The following SMCO2 variants were observed in gnomAD, a reference collection of about 807,000 sequenced individuals.
The protein encoded by SMCO2 is single-pass membrane protein with coiled-coil domains 2, also known as single-pass membrane and coiled-coil domain-containing protein 2.
In SMCO2, 25 loss-of-function variants were observed where a neutral mutation model predicts 29.5. That is an observed-to-expected ratio of 0.85 (90% CI 0.62 to 1.18). The LOEUF is 1.18. Among genes scored for constraint, SMCO2 ranks in the 50% most tolerant of loss-of-function variants. The probability of loss-of-function intolerance (pLI) is 0.00; values close to 1 mark genes in which losing one functional copy is unlikely to be tolerated. For synonymous variants in SMCO2, 117 were observed against 123.3 expected (o/e 0.95, Z 0.34); for missense variants, 348 against 344.5 (o/e 1.01, Z -0.08).
At chr12:27,449,149 A>G in the SMCO2 span, among the ~76,000 whole-genome samples, 20 of 152,200 alleles carry the variant, frequency 1.3e-4, no homozygotes, top group African/African-American at 4.8e-4. Flanking sequence ...CTGTTGAATT[A>G]TAAATCATGC....
chr12:27,444,411 C>A, the SMCO2 span, among the ~76,000 whole-genome samples: 1 of 152,024 alleles, frequency 6.6e-6, no homozygotes, highest in Non-Finnish European at 1.5e-5. Flanking sequence ...AAACACAGGG[C>A]AAATACTCAA....
At chr12:27,495,624 A>C (rs1942989829) in intron 6 of SMCO2, 56 bp from the exon 8 acceptor site, 9 of 1,392,556 alleles carry the variant, frequency 6.5e-6, no homozygotes, top group Non-Finnish European at 8.6e-6. Context: ...TATCTATAGT[A>C]AGACTTGGAG....
At chr12:27,427,121 A>C in the SMCO2 span, among the ~76,000 whole-genome samples, 1 of 152,178 alleles carries the variant, frequency 6.6e-6, no homozygotes, top group African/African-American at 2.4e-5. Context: ...GCAAAGTGCT[A>C]ATAGAGTATG....
rs1009226655 is a variant in SMCO2, at chr12:27,470,604, T to A, written c.-10-18T>A. The A allele has an allele frequency of 2.6e-6, 4 of 1,546,776 alleles. No homozygotes were observed. Among genetic ancestry groups the A allele is most frequent in the Non-Finnish European group, 2.6e-6 (3 of 1,144,274 alleles). ...TTCTGCCATAAAATCCCTCTTGTTG[T>A]CATTATTGTCCTTACAGTGCCGAAG... On this transcript the variant is annotated intron_variant, in intron 1 of 7. Coordinates refer to ENST00000298876, the Ensembl canonical transcript of SMCO2.
intron 7 of SMCO2, among the ~76,000 whole-genome samples, chr12:27,496,574 G>A (rs1793975594): frequency 6.6e-6 from 1 of 150,450 alleles, no homozygotes; most frequent in Admixed American, 6.6e-5. Flanking sequence ...GCAAATTCTG[G>A]CTCTTTGGAT....
chr12:27,495,775 T>C, exon 7 of SMCO2: 1 of 1,541,210 alleles, frequency 6.5e-7, no homozygotes, highest in African/African-American at 1.4e-5. Flanking sequence ...AGGAAATAGA[T>C]ACGGAAGAGA....
At chr12:27,451,767 G>A in the SMCO2 span, among the ~76,000 whole-genome samples, 2 of 152,196 alleles carry the variant, frequency 1.3e-5, no homozygotes, top group African/African-American at 4.8e-5. Flanking sequence ...AGGTGGATTA[G>A]CAAATATGCA....
chr12:27,454,453 G>A, the SMCO2 span, among the ~76,000 whole-genome samples: 1 of 152,044 alleles, frequency 6.6e-6, no homozygotes, highest in African/African-American at 2.4e-5. Context: ...GATGATAATG[G>A]GTGATAGGGT....
rs559428493 is a variant in SMCO2, at chr12:27,479,214, G to A, written c.362+4301G>A. 2.0e-5 allele frequency among the ~76,000 whole-genome samples: 3 copies of A among 152,292 alleles called. No homozygotes were observed. The East Asian group carries it at 5.8e-4, about 29-fold the overall frequency. On this transcript the variant is annotated intron_variant, in intron 4 of 7. Transcript: ENST00000298876. ...TGGTGTGCATGGGCTGGCAGAGGCA[G>A]GCCTGGTTGGCTGATATCTGGGCCC...
chr12:27,495,631 G>T, intron 6 of SMCO2, 49 bp from the exon 8 acceptor site: 1 of 1,409,454 alleles, frequency 7.1e-7, no homozygotes. Context: ...AGTAAGACTT[G>T]GAGACATTTA....
At chr12:27,491,356 G>A (rs1592216908) in intron 5 of SMCO2, among the ~76,000 whole-genome samples, 2 of 119,174 alleles carry the variant, frequency 1.7e-5, no homozygotes, top group South Asian at 6.5e-4. Context: ...CTTTCTAATA[G>A]AATTTCCATG....
intron 4 of SMCO2, 85 bp from the exon 5 acceptor site, chr12:27,475,497 C>T (rs920738545): frequency 8.6e-6 from 12 of 1,389,572 alleles, no homozygotes; most frequent in Middle Eastern, 1.9e-4. Flanking sequence ...CAGATCAACT[C>T]GCTATTCAAA....
the SMCO2 span, among the ~76,000 whole-genome samples, chr12:27,434,382 T>C: frequency 6.6e-6 from 1 of 152,200 alleles, no homozygotes; most frequent in African/African-American, 2.4e-5. Context: ...TGGTCCATTT[T>C]ATCTAGACTT....
intron 5 of SMCO2, among the ~76,000 whole-genome samples, chr12:27,488,915 A>T (rs1949711822): frequency 6.6e-6 from 1 of 152,152 alleles, no homozygotes. Flanking sequence ...AGTGCAAGGG[A>T]TCTACCTGTG....
At chr12:27,426,305 T>G in the SMCO2 span, among the ~76,000 whole-genome samples, 2 of 152,174 alleles carry the variant, frequency 1.3e-5, no homozygotes, top group Admixed American at 6.5e-5. Flanking sequence ...TGGATTGCAG[T>G]GCTGTTCAAG....
rs768932923 is a variant in SMCO2 at position 27,478,558 on chromosome 12, TG to T, written c.362+3652del. 4.6e-5 allele frequency among the ~76,000 whole-genome samples: 7 copies of T among 152,172 alleles called. No individual in the cohort carries two copies. In the South Asian group the frequency reaches 6.2e-4, roughly 14 times the overall value. ...ATTGCCAGCAGTGATGGCAGTGAGC[TG>T]GGGGGGCCAGTCCTCAGGCCCCTAA... On this transcript the variant is annotated intron_variant, in intron 4 of 7. Coordinates refer to ENST00000298876, the Ensembl canonical transcript of SMCO2.
intron 4 of SMCO2, among the ~76,000 whole-genome samples, chr12:27,483,848 G>A (rs931612765): frequency 1.3e-5 from 2 of 151,848 alleles, no homozygotes; most frequent in African/African-American, 4.8e-5. Flanking sequence ...CTGTTCTCCC[G>A]GCCTTTGCAC....
chr12:27,476,549 G>A (rs924825656), intron 4 of SMCO2, among the ~76,000 whole-genome samples: 3 of 151,994 alleles, frequency 2.0e-5, no homozygotes, highest in Non-Finnish European at 2.9e-5. Context: ...TCCAGTGTTG[G>A]ATGCATATAT....
chr12:27,443,651 A>C, the SMCO2 span, among the ~76,000 whole-genome samples: 1 of 152,216 alleles, frequency 6.6e-6, no homozygotes, highest in Non-Finnish European at 1.5e-5. Flanking sequence ...TAGAACTGAT[A>C]AATTCAATAA....
Sources: allele counts gnomAD v4.1 joint callset (sites outside exome capture counted in the v4.1 genomes callset), GRCh38; gene constraint gnomAD v4.1.1; transcripts MANE v1.5; gene names NCBI Gene and HGNC (gene_info 2026-07-23, HGNC 2026-07-21).